The following PEX7 variants were observed in gnomAD, a reference collection of about 807,000 sequenced individuals.
PEX7 encodes PTS2 receptor.
In PEX7, 34 loss-of-function variants were observed where a neutral mutation model predicts 47.5. The observed-to-expected ratio is 0.72, with a 90% confidence interval of 0.54 to 0.95. The LOEUF (loss-of-function observed/expected upper bound fraction) is 0.95. Ranked by LOEUF, PEX7 falls within the 40% of genes least tolerant of loss-of-function variation. PEX7 has a pLI of 0.00. For synonymous variants in PEX7, 141 were observed against 148.8 expected, an observed-to-expected ratio of 0.95 and a Z score of 0.38; for missense variants, 394 against 400.3, an observed-to-expected ratio of 0.98 and a Z score of 0.13.
chr6:136,864,385 T>C (rs1042332020), intron 5 of PEX7, among the ~76,000 whole-genome samples: 2 of 152,196 alleles, frequency 1.3e-5, no homozygotes, highest in African/African-American at 4.8e-5. Flanking sequence ...CTCATGCTAC[T>C]ACCTTGTCTC....
At chr6:136,837,455 AGT>A (rs1409316576) in intron 3 of PEX7, among the ~76,000 whole-genome samples, 5 of 151,956 alleles carry the variant, frequency 3.3e-5, no homozygotes, top group Non-Finnish European at 7.4e-5. Flanking sequence ...AATGGGGAAT[AGT>A]TATATAAACT....
At chr6:136,825,300 A>G (rs995456495) in intron 2 of PEX7, 29 bp downstream of exon 2, 1 of 1,550,054 alleles carries the variant, frequency 6.5e-7, no homozygotes, top group South Asian at 1.1e-5. Context: ...TTAAAGGTAT[A>G]TATTGTTGCT....
intron 1 of PEX7, chr6:136,823,463 C>T (rs1041228499): frequency 2.2e-5 from 12 of 554,184 alleles, no homozygotes; most frequent in Non-Finnish European, 2.8e-5. Flanking sequence ...GAGGCTGAGG[C>T]GGGAGGATCG....
intron 1 of PEX7, chr6:136,823,328 C>G (rs1369279969): frequency 1.6e-5 from 16 of 985,436 alleles, no homozygotes; most frequent in Non-Finnish European, 1.9e-5. Context: ...TGAAATATAT[C>G]AAGTTCAGTT....
chr6:136,839,292 C>G (rs922702412), intron 3 of PEX7, among the ~76,000 whole-genome samples: 32 of 152,262 alleles, frequency 2.1e-4, no homozygotes, highest in Admixed American at 1.1e-3. Flanking sequence ...TGTATTCATA[C>G]AGATAATAAT....
intron 5 of PEX7, among the ~76,000 whole-genome samples, chr6:136,851,033 G>A (rs1774740259): frequency 9.1e-6 from 1 of 109,416 alleles, no homozygotes; most frequent in Admixed American, 9.9e-5. Flanking sequence ...AAGTTTTAGG[G>A]TACATGTGCA....
intron 1 of PEX7, 56 bp downstream of exon 1, chr6:136,822,851 C>T: frequency 1.3e-6 from 1 of 785,926 alleles, no homozygotes; most frequent in South Asian, 5.5e-5. Flanking sequence ...CGGGGGCCAG[C>T]CGGGCTCCAG....
At chr6:136,836,632 A>G (rs1331505738) in intron 3 of PEX7, among the ~76,000 whole-genome samples, 1 of 152,224 alleles carries the variant, frequency 6.6e-6, no homozygotes, top group African/African-American at 2.4e-5. Flanking sequence ...GTGATTATAC[A>G]TTCCTAATAA....
chr6:136,851,012 T>A (rs1774739445), intron 5 of PEX7, among the ~76,000 whole-genome samples: 3 of 138,222 alleles, frequency 2.2e-5, no homozygotes, highest in Admixed American at 7.2e-5. Flanking sequence ...TTTTTTTTTT[T>A]ATTATACTCT....
chr6:136,841,914 A>G (rs1774508395), intron 3 of PEX7, among the ~76,000 whole-genome samples: 1 of 150,806 alleles, frequency 6.6e-6, no homozygotes. Flanking sequence ...ATTAAAAAAA[A>G]AAACCCACAC....
At chr6:136,911,883 G>C (rs1775939376) in intron 9 of PEX7, among the ~76,000 whole-genome samples, 1 of 152,182 alleles carries the variant, frequency 6.6e-6, no homozygotes, top group Non-Finnish European at 1.5e-5. Flanking sequence ...TTCCAAAATG[G>C]TGGTACCATA....
At chr6:136,895,168 G>T (rs1308010928) in intron 8 of PEX7, among the ~76,000 whole-genome samples, 1 of 152,078 alleles carries the variant, frequency 6.6e-6, no homozygotes, top group Non-Finnish European at 1.5e-5. Context: ...GAGATACATA[G>T]AAAAACTCTG....
intron 1 of PEX7, chr6:136,823,029 G>C: frequency 1.0e-6 from 1 of 985,464 alleles, no homozygotes; most frequent in Non-Finnish European, 1.2e-6. Flanking sequence ...TATACGTGTA[G>C]CCTAGTAGCC....
intron 8 of PEX7, among the ~76,000 whole-genome samples, chr6:136,875,568 TAATA>T (rs1775256739): frequency 6.6e-6 from 1 of 152,258 alleles, no homozygotes. Context: ...AAGTGGAACC[TAATA>T]AATGATCAGT....
At chr6:136,823,784 G>C (rs1005440546) in intron 1 of PEX7, among the ~76,000 whole-genome samples, 4 of 152,106 alleles carry the variant, frequency 2.6e-5, no homozygotes, top group Non-Finnish European at 5.9e-5. Context: ...CAGCTACTCG[G>C]GAGGCTGAGG....
intron 3 of PEX7, among the ~76,000 whole-genome samples, chr6:136,843,548 C>A (rs1196434635): frequency 6.6e-6 from 1 of 152,136 alleles, no homozygotes; most frequent in Non-Finnish European, 1.5e-5. Context: ...CCTGTAAAAT[C>A]TAAAGTATTT....
At chr6:136,830,322 G>A (rs920838211) in intron 3 of PEX7, 1 of 320,990 alleles carries the variant, frequency 3.1e-6, no homozygotes, top group African/African-American at 2.2e-5. Context: ...AACTTTTCCA[G>A]TTACCCACTT....
In PEX7 at chr6:136,900,705, C is replaced by T. The variant is rs1377304408; in HGVS notation, c.903+2464C>T. 3.5e-5 allele frequency: 12 copies of T among 340,380 alleles called. No individual in the cohort carries two copies. The highest frequency in any genetic ancestry group is 9.6e-5 in the South Asian group (4 of 41,554). The allele number at this position is 340,380 out of a possible 1,614,324, so 21.1% of individuals were successfully genotyped here. Reference sequence around the variant, plus strand: ...TGGGATCCACGTCATGTGCAGTCACCGCCAGCTGAGCCTTCTTCTTCTCCA... The same window carrying T: ...TGGGATCCACGTCATGTGCAGTCACTGCCAGCTGAGCCTTCTTCTTCTCCA... On this transcript the variant is annotated intron_variant, in intron 9 of 9. Coordinates refer to ENST00000318471, the MANE Select transcript of PEX7 (RefSeq NM_000288.4). The surrounding 1 kb of genome is among the most constrained non-coding windows in gnomAD (Gnocchi z 4.2).
chr6:136,874,744 T>C (rs1239093586), intron 8 of PEX7, among the ~76,000 whole-genome samples: 1 of 152,156 alleles, frequency 6.6e-6, no homozygotes, highest in East Asian at 1.9e-4. Flanking sequence ...TTTACTCTTG[T>C]TATTTCTGAT....
Sources: gnomAD v4.1 joint callset for allele counts (sites outside exome capture counted in the v4.1 genomes callset) on GRCh38, gnomAD v4.1.1 for gene constraint, Gnocchi (gnomAD v3.1) non-coding constraint, MANE v1.5 for transcripts, NCBI Gene and HGNC (gene_info 2026-07-23, HGNC 2026-07-21) for gene names.